The following AHNAK variants were observed in gnomAD, a reference collection of about 807,000 sequenced individuals.
AHNAK encodes the protein neuroblast differentiation-associated protein AHNAK.
In AHNAK, 23 loss-of-function variants were observed where a neutral mutation model predicts 37.8. That is an observed-to-expected ratio of 0.61 (90% CI 0.44 to 0.86). The LOEUF is 0.86. Among genes scored for constraint, AHNAK ranks in the 40% least tolerant of loss-of-function variants. The probability of loss-of-function intolerance (pLI) is 0.00; values close to 1 mark genes in which losing one functional copy is unlikely to be tolerated. For missense variants in AHNAK, 7,411 were observed against 7,319.4 expected, an observed-to-expected ratio of 1.01 and a Z score of -0.46; for synonymous variants, 2,481 against 2,636.3, an observed-to-expected ratio of 0.94 and a Z score of 1.80.
At chr11:62,450,204 G>A (rs980135682) in intron 5 of AHNAK, among the ~76,000 whole-genome samples, 2 of 151,146 alleles carry the variant, frequency 1.3e-5, no homozygotes, top group African/African-American at 4.9e-5. Context: ...CATCCAGGCT[G>A]CAGTGCAATG....
At chr11:62,476,695 C>A (rs1037370068) in intron 5 of AHNAK, among the ~76,000 whole-genome samples, 1 of 152,072 alleles carries the variant, frequency 6.6e-6, no homozygotes, top group African/African-American at 2.4e-5. Flanking sequence ...AACAATGAAC[C>A]ATTTCTCGAT....
rs181953589 is a variant in AHNAK at position 62,536,483 on chromosome 11, G to A, written c.-15C>T. ...CACCTACTGACCTTTGCAGGATTCC[G>A]CTCAGGAGCGAATGCCTTGCCAGGA... On this transcript the variant is annotated 5_prime_UTR_variant, in exon 2 of 5. Transcript: ENST00000378024. 1.5e-4 allele frequency: 26 copies of A among 174,238 alleles called. No homozygotes were observed. Among genetic ancestry groups the A allele is most frequent in the Admixed American group, 1.1e-3 (18 of 15,854 alleles). 10.8% of individuals were successfully genotyped at this position (174,238 alleles called of 1,614,324 possible). A position where few individuals can be genotyped will look rare whatever the true frequency, so the allele number is the denominator to read the frequency against.
chr11:62,441,622 C>T (rs188721139), intron 5 of AHNAK, among the ~76,000 whole-genome samples: 3 of 152,106 alleles, frequency 2.0e-5, no homozygotes, highest in South Asian at 2.1e-4. Flanking sequence ...CTGCCTTAGC[C>T]TCCCGAGTAG....
In AHNAK at chr11:62,530,794, T is replaced by C. The variant is rs138843188; in HGVS notation, c.3623A>G (p.Lys1208Arg). 1.4e-4 allele frequency: 233 copies of C among 1,613,424 alleles called. 1 individual carries two copies. In the Middle Eastern group the frequency reaches 1.8e-3, roughly 13 times the overall value. ...AGACACATCCACATCCCCTTTGACT[T>C]TGGGGCCTTTCAAGTGTAAGTCCAC... ...PDVDLHLKGP[K>R]VKGDVDVSVP... Residue 1208 changes from lysine (K) to arginine (R), a missense_variant, in exon 5 of 5, where the codon AAA (lysine) becomes AGA (arginine). Coordinates refer to ENST00000378024, the MANE Select transcript of AHNAK (RefSeq NM_001620.3).
At position 62,533,060 on chromosome 11, in the gene AHNAK, C is replaced by A; in HGVS notation, c.1357G>T (p.Val453Leu). ...GTCACTTCACCTGTAGGCAGTGTCA[C>A]ATCAATCCCAGTTTCCTCTCCCTTT... Reference protein sequence around the residue: ...GAKGEETGIDVTLPTGEVTVP... With the variant: ...GAKGEETGIDLTLPTGEVTVP... Residue 453 changes from valine (V) to leucine (L), a missense_variant, in exon 5 of 5, where the codon GTG becomes TTG. Physicochemically the swap from Val to Leu is conservative, Grantham distance 32. Coordinates refer to ENST00000378024, the MANE Select transcript of AHNAK (RefSeq NM_001620.3). 6.2e-7 allele frequency: 1 copy of A among 1,610,020 alleles called. No individual in the cohort carries two copies. Among genetic ancestry groups the A allele is most frequent in the African/African-American group, 1.3e-5 (1 of 74,752 alleles).
At chr11:62,466,553 A>G (rs759914083) in intron 5 of AHNAK, among the ~76,000 whole-genome samples, 13 of 150,274 alleles carry the variant, frequency 8.7e-5, no homozygotes, top group Non-Finnish European at 1.5e-4. Flanking sequence ...GCCAGCTGTC[A>G]AGTCCAAAAA....
chr11:62,468,856 G>A (rs901432948), intron 5 of AHNAK, among the ~76,000 whole-genome samples: 3 of 152,158 alleles, frequency 2.0e-5, no homozygotes, highest in African/African-American at 7.2e-5. Context: ...TCTGCTTTTT[G>A]TTCTCTGTTT....
chr11:62,526,356 C>A lies in AHNAK; in HGVS notation c.8061G>T (p.Glu2687Asp). 6.2e-7 allele frequency: 1 copy of A among 1,610,426 alleles called. No individual in the cohort carries two copies. Among genetic ancestry groups the A allele is most frequent in the Non-Finnish European group, 8.5e-7 (1 of 1,179,024 alleles). Residue 2687 changes from glutamate (E) to aspartate (D), a missense_variant, in exon 5 of 5, where the codon GAG (glutamate) becomes GAT (aspartate). By Grantham distance (45) the Glu-to-Asp change is conservative. Transcript: ENST00000378024. The stretch of plus-strand genomic sequence containing the variant: ...TGAACTTAGGCCCTTTCAACTTTCC[C>A]TCTGGTCCTTCAATGTTAACATCAG... ...EGPDVNIEGP[E>D]GKLKGPKFKM...
At chr11:62,470,326 A>C (rs367593406) in intron 5 of AHNAK, among the ~76,000 whole-genome samples, 1 of 152,132 alleles carries the variant, frequency 6.6e-6, no homozygotes, top group African/African-American at 2.4e-5. Context: ...TGCGCCTGTA[A>C]TCCCAGCTAC....
intron 1 of AHNAK, among the ~76,000 whole-genome samples, chr11:62,543,218 C>T (rs987221019): frequency 3.4e-4 from 52 of 152,328 alleles, no homozygotes; most frequent in African/African-American, 1.2e-3. Flanking sequence ...ACAAACTGCG[C>T]GTGCGGACAT....
At chr11:62,456,807 G>A (rs932567333) in intron 5 of AHNAK, among the ~76,000 whole-genome samples, 1 of 152,176 alleles carries the variant, frequency 6.6e-6, no homozygotes, top group Non-Finnish European at 1.5e-5. Flanking sequence ...GGCTGAGTCT[G>A]GAGCAGGTGG....
At chr11:62,474,755 A>AC (rs1200750658) in intron 5 of AHNAK, among the ~76,000 whole-genome samples, 2 of 152,156 alleles carry the variant, frequency 1.3e-5, no homozygotes, top group African/African-American at 4.8e-5. Context: ...TACACTGAGC[A>AC]CCCCGTGCTG....
chr11:62,450,239 C>A (rs1938507199), intron 5 of AHNAK, among the ~76,000 whole-genome samples: 1 of 151,994 alleles, frequency 6.6e-6, no homozygotes, highest in African/African-American at 2.4e-5. Context: ...CACACGGCAA[C>A]CTCTGCCTCC....
intron 5 of AHNAK, among the ~76,000 whole-genome samples, chr11:62,475,510 T>C (rs111760307): frequency 2.6e-5 from 4 of 152,080 alleles, no homozygotes; most frequent in African/African-American, 7.2e-5. Flanking sequence ...CTGAGGTCTA[T>C]TGGGTTGGTG....
intron 5 of AHNAK, among the ~76,000 whole-genome samples, chr11:62,445,565 A>G (rs1004734657): frequency 6.6e-5 from 10 of 152,218 alleles, no homozygotes; most frequent in African/African-American, 2.4e-4. Flanking sequence ...AAGAAAAACA[A>G]CATCCTGGCC....
chr11:62,494,078 T>C (rs903922124), intron 4 of AHNAK, among the ~76,000 whole-genome samples: 7 of 151,904 alleles, frequency 4.6e-5, no homozygotes, highest in African/African-American at 1.7e-4. Flanking sequence ...GGTGTAAGAG[T>C]CTTTCAACTG....
chr11:62,497,719 G>C (rs192505914), intron 4 of AHNAK, among the ~76,000 whole-genome samples: 2 of 152,250 alleles, frequency 1.3e-5, no homozygotes, highest in East Asian at 3.9e-4. Context: ...CCAGCACTTC[G>C]GGAGGCTGAG....
Position 62,440,824 on chromosome 11 carries a change from TGCTAA to T in AHNAK, c.443-6938_443-6934del, listed in dbSNP as rs148663928. ...CCAAGTTATAGTGGGGGTTCACATC[TGCTAA>T]GTGCTTACTATGTGCCAGACACTAT... On this transcript the variant is annotated intron_variant, in intron 5 of 5. Transcript: ENST00000257247. Among the ~76,000 whole-genome samples the T allele has an allele frequency of 9.4e-3, 1,424 of 152,224 alleles. 21 individuals carry two copies. The highest frequency in any genetic ancestry group is 0.033 in the African/African-American group (1,380 of 41,514).
chr11:62,435,060 A>AC (rs1468799603), intron 5 of AHNAK, among the ~76,000 whole-genome samples: 1 of 151,478 alleles, frequency 6.6e-6, no homozygotes. Context: ...TCACCTGCTC[A>AC]CCCTTCCCAA....
Sources: allele counts gnomAD v4.1 joint callset (sites outside exome capture counted in the v4.1 genomes callset), GRCh38; gene constraint gnomAD v4.1.1; transcripts MANE v1.5; gene names NCBI Gene and HGNC (gene_info 2026-07-23, HGNC 2026-07-21).